DNAJC1: variants seen among roughly 807,000 people sequenced by gnomAD.
DNAJC1 encodes the protein DnaJ heat shock protein family (Hsp40) member C1.
In DNAJC1, 58 loss-of-function variants were observed where a neutral mutation model predicts 76.6. The ratio of observed to expected loss-of-function variants is 0.76; its 90% CI spans 0.61 to 0.94. The LOEUF (loss-of-function observed/expected upper bound fraction) is 0.94, where lower values mean the gene tolerates loss of function less well. Ranked by LOEUF, DNAJC1 falls within the 40% of genes least tolerant of loss-of-function variation. The probability of loss-of-function intolerance (pLI) is 0.00; values close to 1 mark genes in which losing one functional copy is unlikely to be tolerated. For synonymous variants in DNAJC1, 258 were observed against 267.9 expected (o/e 0.96, Z 0.36); for missense variants, 689 against 677.3 (o/e 1.02, Z -0.19).
intron 8 of DNAJC1, among the ~76,000 whole-genome samples, chr10:21,820,289 G>T (rs574786676): frequency 2.7e-5 from 4 of 146,816 alleles, no homozygotes; most frequent in Admixed American, 1.3e-4. Flanking sequence ...TTCTATGTCT[G>T]GGGGGGATAT....
At chr10:21,933,764 G>C (rs1203916271) in intron 1 of DNAJC1, among the ~76,000 whole-genome samples, 2 of 152,122 alleles carry the variant, frequency 1.3e-5, no homozygotes, top group Admixed American at 6.6e-5. Flanking sequence ...ATACAATGGA[G>C]CTTTAAAATT....
At chr10:21,921,048 A>G (rs1470945749) in intron 3 of DNAJC1, 85 bp from the exon 4 acceptor site, 1 of 1,211,448 alleles carries the variant, frequency 8.3e-7, no homozygotes, top group Non-Finnish European at 1.1e-6. Flanking sequence ...CAAAAAGGAA[A>G]AAGAAAACAA....
chr10:21,793,554 T>C (rs1258226434), intron 9 of DNAJC1, among the ~76,000 whole-genome samples: 1 of 152,212 alleles, frequency 6.6e-6, no homozygotes, highest in Admixed American at 6.5e-5. Flanking sequence ...ACTATTAAAC[T>C]ATCAATGTTA....
intron 1 of DNAJC1, among the ~76,000 whole-genome samples, chr10:21,982,209 C>T (rs973331156): frequency 1.4e-4 from 21 of 152,138 alleles, no homozygotes; most frequent in African/African-American, 5.1e-4. Flanking sequence ...TACTGTCAGG[C>T]TCTACTTTTC....
At chr10:21,804,285 T>C (rs1471966371) in intron 9 of DNAJC1, among the ~76,000 whole-genome samples, 1 of 152,094 alleles carries the variant, frequency 6.6e-6, no homozygotes, top group African/African-American at 2.4e-5. Context: ...AAGTTAAATG[T>C]GGTGCAGTCT....
intron 7 of DNAJC1, among the ~76,000 whole-genome samples, chr10:21,893,893 T>C (rs575031968): frequency 6.6e-6 from 1 of 152,066 alleles, no homozygotes; most frequent in African/African-American, 2.4e-5. Context: ...GAACTGATCC[T>C]TTGAAAAGAT....
intron 8 of DNAJC1, among the ~76,000 whole-genome samples, chr10:21,849,304 AAAAAAAAAAAAAAAAGT>A (rs1388490918): frequency 6.7e-6 from 1 of 150,026 alleles, no homozygotes; most frequent in Non-Finnish European, 1.5e-5. Flanking sequence ...AAAAAAAAAA[AAAAAAAAAAAAAAAAGT>A]AAATGCCTAC....
chr10:21,814,861 G>GT (rs1248537140), intron 8 of DNAJC1, among the ~76,000 whole-genome samples: 3 of 152,150 alleles, frequency 2.0e-5, no homozygotes, highest in Non-Finnish European at 4.4e-5. Flanking sequence ...AGAAATGTAC[G>GT]TAAATCTATG....
chr10:21,800,330 T>C (rs1176729332), intron 9 of DNAJC1, among the ~76,000 whole-genome samples: 1 of 152,210 alleles, frequency 6.6e-6, no homozygotes, highest in Non-Finnish European at 1.5e-5. Flanking sequence ...AGTGGGAATG[T>C]GTATTGTTAT....
intron 8 of DNAJC1, among the ~76,000 whole-genome samples, chr10:21,837,123 G>C (rs1021424128): frequency 6.6e-6 from 1 of 152,244 alleles, no homozygotes; most frequent in Admixed American, 6.5e-5. Context: ...GTGTTGGCCA[G>C]GCTGGTCTCC....
intron 8 of DNAJC1, among the ~76,000 whole-genome samples, chr10:21,851,858 T>A (rs1038028060): frequency 6.6e-6 from 1 of 151,758 alleles, no homozygotes; most frequent in Non-Finnish European, 1.5e-5. Flanking sequence ...ATCGATACCA[T>A]CCTGGCTAAC....
At chr10:21,970,423 A>G (rs1837959201) in intron 1 of DNAJC1, among the ~76,000 whole-genome samples, 1 of 152,112 alleles carries the variant, frequency 6.6e-6, no homozygotes. Context: ...CAAAAAATTT[A>G]AAAATAGCAC....
intron 11 of DNAJC1, 102 bp from the exon 12 acceptor site, chr10:21,756,857 T>A (rs555822507): frequency 1.9e-6 from 2 of 1,048,594 alleles, no homozygotes; most frequent in South Asian, 2.6e-5. Context: ...GAGCCTCACG[T>A]CCAGTCCCTC....
chr10:21,825,233 T>C (rs1472608117), intron 8 of DNAJC1, among the ~76,000 whole-genome samples: 2 of 152,228 alleles, frequency 1.3e-5, no homozygotes, highest in African/African-American at 4.8e-5. Context: ...CTGTCTCTAG[T>C]CTCTGGAAAA....
At chr10:21,766,896 G>A (rs1834306420) in intron 9 of DNAJC1, among the ~76,000 whole-genome samples, 1 of 151,148 alleles carries the variant, frequency 6.6e-6, no homozygotes. Context: ...CTTGAACCCA[G>A]GAGGCGGAGG....
At chr10:21,827,182 C>T (rs1394748765) in intron 8 of DNAJC1, among the ~76,000 whole-genome samples, 1 of 152,114 alleles carries the variant, frequency 6.6e-6, no homozygotes, top group Non-Finnish European at 1.5e-5. Context: ...GAAGTAACTT[C>T]AAAGTCACTT....
chr10:21,996,684 TAAAAGGA>T (rs1032448871), intron 1 of DNAJC1, among the ~76,000 whole-genome samples: 1 of 152,040 alleles, frequency 6.6e-6, no homozygotes, highest in Non-Finnish European at 1.5e-5. Flanking sequence ...GAGAATAGCA[TAAAAGGA>T]AAAAGGAAAC....
At chr10:21,993,409 T>C (rs1436703986) in intron 1 of DNAJC1, among the ~76,000 whole-genome samples, 1 of 152,172 alleles carries the variant, frequency 6.6e-6, no homozygotes. Flanking sequence ...GGCATCACTA[T>C]CTCAGCATGC....
At chr10:21,819,308 G>C (rs1835120321) in intron 8 of DNAJC1, among the ~76,000 whole-genome samples, 2 of 151,960 alleles carry the variant, frequency 1.3e-5, no homozygotes, top group African/African-American at 4.8e-5. Flanking sequence ...AGCTGAGGCA[G>C]GAAAATCACC....
Sources: allele counts gnomAD v4.1 joint callset (sites outside exome capture counted in the v4.1 genomes callset), GRCh38; gene constraint gnomAD v4.1.1; transcripts MANE v1.5; gene names NCBI Gene and HGNC (gene_info 2026-07-23, HGNC 2026-07-21).